The following C19orf47 variants were observed in gnomAD, a reference collection of about 807,000 sequenced individuals.
The protein encoded by C19orf47 is chromosome 19 open reading frame 47, also known as uncharacterized protein C19orf47.
A neutral mutation model predicts 32.3 loss-of-function variants in C19orf47; 18 were observed. The ratio of observed to expected loss-of-function variants is 0.56; its 90% CI spans 0.39 to 0.83. The LOEUF (loss-of-function observed/expected upper bound fraction) is 0.83. Ranked by LOEUF, C19orf47 falls within the 40% of genes least tolerant of loss-of-function variation. The pLI is 0.00. For missense variants in C19orf47, 484 were observed against 531.6 expected (o/e 0.91, Z 0.88); for synonymous variants, 202 against 211.1 (o/e 0.96, Z 0.37).
the C19orf47 span, among the ~76,000 whole-genome samples, chr19:40,303,879 A>C: frequency 6.6e-6 from 1 of 152,084 alleles, no homozygotes; most frequent in African/African-American, 2.4e-5. Context: ...ATCTGTGTCA[A>C]ATTATCACTG....
At chr19:40,325,247 G>A (rs1387539900) in intron 7 of C19orf47, among the ~76,000 whole-genome samples, 4 of 150,736 alleles carry the variant, frequency 2.7e-5, no homozygotes, top group African/African-American at 7.3e-5. Flanking sequence ...TCCAGCCTGC[G>A]TAACAGAGCA....
At chr19:40,342,067 T>A in intron 1 of C19orf47, 177 bp from the exon 2 acceptor site, 1 of 985,340 alleles carries the variant, frequency 1.0e-6, no homozygotes, top group Non-Finnish European at 1.2e-6. Context: ...GCCACCACCA[T>A]CATCGCTTGT....
intron 1 of C19orf47, among the ~76,000 whole-genome samples, chr19:40,342,840 A>G (rs1447333188): frequency 2.0e-5 from 3 of 152,182 alleles, no homozygotes; most frequent in Non-Finnish European, 4.4e-5. Context: ...GCAAGGAGCC[A>G]GTGTGGCTGC....
At chr19:40,307,149 G>A in the C19orf47 span, among the ~76,000 whole-genome samples, 4 of 131,046 alleles carry the variant, frequency 3.1e-5, no homozygotes, top group Admixed American at 1.7e-4. Flanking sequence ...AGGCTACAGC[G>A]CAGTGGTGCA....
chr19:40,325,089 A>T (rs771059066), intron 7 of C19orf47, among the ~76,000 whole-genome samples: 2 of 149,878 alleles, frequency 1.3e-5, no homozygotes, highest in Middle Eastern at 3.6e-3. Flanking sequence ...GGCCAACATG[A>T]TGAAACCCCG....
intron 6 of C19orf47, 108 bp from the exon 7 acceptor site, chr19:40,326,594 C>A: frequency 7.6e-7 from 1 of 1,316,000 alleles, no homozygotes; most frequent in South Asian, 1.5e-5. Flanking sequence ...TGACTGGAAT[C>A]CCTTACCTTC....
chr19:40,344,815 C>A (rs1402724949), intron 1 of C19orf47, among the ~76,000 whole-genome samples: 1 of 152,192 alleles, frequency 6.6e-6, no homozygotes, highest in African/African-American at 2.4e-5. Context: ...GTACCAGGAA[C>A]TGAGCATATA....
At chr19:40,322,920 C>T (rs185926984) in intron 8 of C19orf47, among the ~76,000 whole-genome samples, 53 of 152,288 alleles carry the variant, frequency 3.5e-4, no homozygotes, top group African/African-American at 1.1e-3. Context: ...GCATTCTAGA[C>T]GGAGAAGGAC....
chr19:40,328,412 C>G lies in C19orf47; in HGVS notation c.439+1G>C. ...CCTACCACCTGCCCATGTTCCCTCA[C>G]CAGTGGCCTTGGCACTCTTTGCTGC... On this transcript the variant is annotated splice_donor_variant, in intron 6 of 8. Transcript: ENST00000683109. LOFTEE classifies it high-confidence loss of function. 1 of 1,612,734 alleles carries G rather than the reference C, an allele frequency of 6.2e-7. No homozygotes were observed. The highest frequency in any genetic ancestry group is 8.5e-7 in the Non-Finnish European group (1 of 1,179,400).
chr19:40,316,773 T>A (rs531882862), downstream of C19orf47, among the ~76,000 whole-genome samples: 18 of 152,338 alleles, frequency 1.2e-4, no homozygotes, highest in Admixed American at 7.8e-4. Flanking sequence ...AATGTGTTCT[T>A]CGAAGTCACC....
chr19:40,312,870 G>A, the C19orf47 span, among the ~76,000 whole-genome samples: 1 of 152,208 alleles, frequency 6.6e-6, no homozygotes, highest in Non-Finnish European at 1.5e-5. Flanking sequence ...AAGCCACTAA[G>A]TTTTGGGGTG....
chr19:40,334,186 C>T (rs1031127084), intron 4 of C19orf47, among the ~76,000 whole-genome samples: 1 of 152,214 alleles, frequency 6.6e-6, no homozygotes, highest in African/African-American at 2.4e-5. Flanking sequence ...CGGTGGTTCA[C>T]GCCTGTAATC....
chr19:40,304,563 T>C, the C19orf47 span, among the ~76,000 whole-genome samples: 2 of 152,104 alleles, frequency 1.3e-5, no homozygotes, highest in Non-Finnish European at 2.9e-5. Flanking sequence ...ACTTCCTCCC[T>C]GCACCCTCCC....
the C19orf47 span, among the ~76,000 whole-genome samples, chr19:40,308,180 G>A: frequency 6.6e-6 from 1 of 151,642 alleles, no homozygotes; most frequent in East Asian, 1.9e-4. Flanking sequence ...ATTTAGAAAC[G>A]AAGTCTCACT....
At chr19:40,341,502 CT>C (rs1393958892) in intron 2 of C19orf47, among the ~76,000 whole-genome samples, 1 of 152,146 alleles carries the variant, frequency 6.6e-6, no homozygotes, top group Non-Finnish European at 1.5e-5. Context: ...TATGCCCAAG[CT>C]TTTACATGCT....
Position 40,333,930 on chromosome 19 carries a change from C to T in C19orf47, c.223-1G>A. On this transcript the variant is annotated splice_acceptor_variant, in intron 4 of 8. Coordinates refer to ENST00000683109, the MANE Select transcript of C19orf47 (RefSeq NM_001256441.2). LOFTEE classifies it high-confidence loss of function. ...ACTCAGTGGCAGCTTTGCACATGTC[C>T]TGTGAAAAAAGAACAGGCACCTGGG... The T allele has an allele frequency of 6.4e-7, 1 of 1,560,106 alleles. No homozygotes were observed. The highest frequency in any genetic ancestry group is 8.7e-7 in the Non-Finnish European group (1 of 1,151,536).
At chr19:40,302,543 C>T in the C19orf47 span, among the ~76,000 whole-genome samples, 3 of 152,124 alleles carry the variant, frequency 2.0e-5, no homozygotes, top group Non-Finnish European at 2.9e-5. Context: ...GCTTCTGCCT[C>T]GACTCCCAAA....
At chr19:40,295,367 G>T in the C19orf47 span, among the ~76,000 whole-genome samples, 2 of 151,614 alleles carry the variant, frequency 1.3e-5, no homozygotes, top group African/African-American at 4.8e-5. Context: ...GAAGAAAAGA[G>T]GACAGAAAGG....
rs572467559 is a variant in C19orf47 at position 40,323,950 on chromosome 19, C to A, written c.663+56G>T. 4 of 1,599,498 alleles carry A rather than the reference C, an allele frequency of 2.5e-6. No homozygotes were observed. In the Admixed American group the frequency reaches 6.7e-5, roughly 27 times the overall value. ...AGATGTGTTAAAGAGTCAGGAGCAC[C>A]GCTCAGGGAAGACAACAGCTCGCAC... On this transcript the variant is annotated intron_variant, in intron 8 of 8. Coordinates refer to ENST00000683109, the MANE Select transcript of C19orf47 (RefSeq NM_001256441.2).
Sources: gnomAD v4.1 joint callset for allele counts (sites outside exome capture counted in the v4.1 genomes callset) on GRCh38, gnomAD v4.1.1 for gene constraint, MANE v1.5 for transcripts, NCBI Gene and HGNC (gene_info 2026-07-23, HGNC 2026-07-21) for gene names.